PKP2: variants seen among roughly 807,000 people sequenced by gnomAD.
The protein encoded by PKP2 is plakophilin-2.
A neutral mutation model predicts 83.4 loss-of-function variants in PKP2; 73 were observed. The ratio of observed to expected loss-of-function variants is 0.88; its 90% CI spans 0.72 to 1.06. The LOEUF is 1.06. Among genes scored for constraint, PKP2 ranks in the 50% least tolerant of loss-of-function variants. The pLI, the probability that PKP2 is intolerant of heterozygous loss-of-function variation, is 0.00. For synonymous variants in PKP2, 409 were observed against 430.4 expected (o/e 0.95, Z 0.62); for missense variants, 966 against 1,065.4 (o/e 0.91, Z 1.30).
In PKP2 at chr12:32,791,174, T is replaced by C. The variant is rs1592723836; in HGVS notation, c.*1250A>G. On this transcript the variant is annotated 3_prime_UTR_variant, in exon 13 of 13. Transcript: ENST00000340811. The stretch of plus-strand genomic sequence containing the variant: ...AACTCTATATGAATGGTTTTAATCA[T>C]AGCGCAGTTAAAACAACATTTAATG... The C allele has an allele frequency of 6.6e-6, 1 of 152,204 alleles. No homozygotes were observed. Among genetic ancestry groups the C allele is most frequent in the South Asian group, 2.1e-4 (1 of 4,834 alleles). The allele number at this position is 152,204 out of a possible 1,614,324, so 9.4% of individuals were successfully genotyped here.
intron 9 of PKP2, among the ~76,000 whole-genome samples, chr12:32,812,042 G>A (rs957703099): frequency 5.9e-5 from 9 of 151,640 alleles, no homozygotes; most frequent in Non-Finnish European, 1.3e-4. Flanking sequence ...CTTTGTGTGT[G>A]TGCTTGCTTG....
At chr12:32,871,076 A>C (rs538538860) in intron 3 of PKP2, among the ~76,000 whole-genome samples, 7 of 152,102 alleles carry the variant, frequency 4.6e-5, no homozygotes, top group African/African-American at 1.7e-4. Flanking sequence ...CACGGCATAC[A>C]TTCTGGCCCA....
intron 9 of PKP2, 182 bp downstream of exon 9, chr12:32,821,174 G>A (rs1956371658): frequency 1.6e-6 from 1 of 619,784 alleles, no homozygotes; most frequent in East Asian, 2.9e-5. Flanking sequence ...TGACTTGTCA[G>A]TCAAGCAGCC....
chr12:32,896,478 G>C, intron 1 of PKP2, 31 bp downstream of exon 1: 1 of 1,437,872 alleles, frequency 7.0e-7, no homozygotes, highest in Non-Finnish European at 9.2e-7. Context: ...GGGGCAGGGG[G>C]CGGCGCCGGG....
chr12:32,824,186 A>G, intron 6 of PKP2, 24 bp from the exon 7 acceptor site: 1 of 1,478,026 alleles, frequency 6.8e-7, no homozygotes, highest in Admixed American at 1.7e-5. Flanking sequence ...CAAAAAACAA[A>G]AAAGTAAGTC....
intron 5 of PKP2, chr12:32,843,132 A>G (rs1489403912): frequency 9.4e-6 from 4 of 424,426 alleles, no homozygotes; most frequent in Non-Finnish European, 1.9e-5. Flanking sequence ...GGCGCAGACC[A>G]CGACACCCGG....
At chr12:32,850,125 T>G (rs1049866034) in intron 5 of PKP2, among the ~76,000 whole-genome samples, 1 of 152,248 alleles carries the variant, frequency 6.6e-6, no homozygotes, top group Non-Finnish European at 1.5e-5. Context: ...GGGCTGTTAG[T>G]GAATTTAAGC....
chr12:32,794,031 A>T (rs1483099424), intron 11 of PKP2, among the ~76,000 whole-genome samples: 1 of 152,280 alleles, frequency 6.6e-6, no homozygotes, highest in Admixed American at 6.5e-5. Flanking sequence ...TTTTCCCCCC[A>T]TATCACAGGC....
In PKP2 at chr12:32,878,330, T is replaced by G; in HGVS notation, c.550A>C (p.Arg184=). The change falls in exon 3 of 13, where the codon AGG becomes CGG. Residue 184 remains arginine, a synonymous_variant. Coordinates refer to ENST00000340811, the MANE Select transcript of PKP2 (RefSeq NM_001005242.3). ...AGHTLHHQES[R]RAALLVPPRY... The stretch of plus-strand genomic sequence containing the variant: ...GGTGGCACTAGGAGGGCGGCCCGCC[T>G]GCTTTCTTGGTGGTGCAGGGTGTGC... 6.2e-7 allele frequency: 1 copy of G among 1,612,968 alleles called. No individual in the cohort carries two copies. Among genetic ancestry groups the G allele is most frequent in the Non-Finnish European group, 8.5e-7 (1 of 1,179,990 alleles).
intron 1 of PKP2, among the ~76,000 whole-genome samples, chr12:32,882,813 AG>A (rs1434139399): frequency 2.0e-5 from 3 of 152,170 alleles, no homozygotes; most frequent in African/African-American, 7.2e-5. Context: ...TAAATTGCAA[AG>A]AGATTTAATA....
At position 32,796,091 on chromosome 12, in the gene PKP2, C is replaced by T; in HGVS notation, c.2357+18G>A. 6.3e-7 allele frequency: 1 copy of T among 1,599,810 alleles called. No homozygotes were observed. The highest frequency in any genetic ancestry group is 8.5e-7 in the Non-Finnish European group (1 of 1,174,024). ...AGGGGAAAGGGAGGCAGCTGACGGG[C>T]AGAACTGAAGGACTTACGCATCGCC... On this transcript the variant is annotated intron_variant, in intron 11 of 12. Transcript: ENST00000340811.
chr12:32,892,490 A>T (rs763948084), intron 1 of PKP2, among the ~76,000 whole-genome samples: 2 of 151,628 alleles, frequency 1.3e-5, no homozygotes, highest in Non-Finnish European at 2.9e-5. Flanking sequence ...TTTGTTTTTT[A>T]TTTTTAGTAG....
chr12:32,850,733 G>A lies in PKP2; in HGVS notation c.1378+33C>T, dbSNP rs775086161. 8 of 1,541,674 alleles carry A rather than the reference G, an allele frequency of 5.2e-6. No individual in the cohort carries two copies. In the South Asian group the frequency reaches 7.8e-5, roughly 15 times the overall value. The stretch of plus-strand genomic sequence containing the variant: ...TAAGGCATCTGGCTGGGGTGCAAAT[G>A]TGTTAGGTTCTTCAATGTTCAGTAA... On this transcript the variant is annotated intron_variant, in intron 5 of 12. Transcript: ENST00000340811.
intron 3 of PKP2, among the ~76,000 whole-genome samples, chr12:32,873,260 C>A (rs1956908657): frequency 6.6e-6 from 1 of 150,426 alleles, no homozygotes; most frequent in South Asian, 2.1e-4. Flanking sequence ...CCACCATGCC[C>A]AGCTAATTCT....
chr12:32,860,858 T>A (rs552616632), intron 4 of PKP2, among the ~76,000 whole-genome samples: 1 of 152,132 alleles, frequency 6.6e-6, no homozygotes, highest in Non-Finnish European at 1.5e-5. Flanking sequence ...TGAAACCCCA[T>A]CTCTACTAAA....
At chr12:32,874,217 C>T (rs1956915391) in intron 3 of PKP2, among the ~76,000 whole-genome samples, 1 of 151,988 alleles carries the variant, frequency 6.6e-6, no homozygotes, top group South Asian at 2.1e-4. Flanking sequence ...AACTTAAATC[C>T]CCCCCAAAAA....
intron 6 of PKP2, among the ~76,000 whole-genome samples, chr12:32,837,289 T>TC (rs1956552079): frequency 6.6e-6 from 1 of 152,214 alleles, no homozygotes; most frequent in Non-Finnish European, 1.5e-5. Context: ...AAGACAAGCT[T>TC]CCGGCATTTG....
In PKP2 at chr12:32,790,784, T is replaced by C. The variant is rs1285578429; in HGVS notation, c.*1640A>G. 3 of 152,212 alleles carry C rather than the reference T, an allele frequency of 2.0e-5. No individual in the cohort carries two copies. Among genetic ancestry groups the C allele is most frequent in the East Asian group, 1.9e-4 (1 of 5,200 alleles). The allele number at this position is 152,212 out of a possible 1,614,324, so 9.4% of individuals were successfully genotyped here. A position where few individuals can be genotyped will look rare whatever the true frequency, so the allele number is the denominator to read the frequency against. On this transcript the variant is annotated 3_prime_UTR_variant, in exon 13 of 13. Coordinates refer to ENST00000340811, the MANE Select transcript of PKP2 (RefSeq NM_001005242.3). ...GTATTTAATATTATCGAAGGCTTTA[T>C]TAATGCCTTAAAAAACACAAAAAGT...
At chr12:32,829,677 T>C (rs1233571901) in intron 6 of PKP2, among the ~76,000 whole-genome samples, 1 of 151,940 alleles carries the variant, frequency 6.6e-6, no homozygotes, top group Non-Finnish European at 1.5e-5. Context: ...TTTATTTTTT[T>C]TGAGATGGAG....
Sources: gnomAD v4.1 joint callset for allele counts (sites outside exome capture counted in the v4.1 genomes callset) on GRCh38, gnomAD v4.1.1 for gene constraint, MANE v1.5 for transcripts, NCBI Gene and HGNC (gene_info 2026-07-23, HGNC 2026-07-21) for gene names.